Variants in PTPRN2 observed in about 807,000 individuals in gnomAD.
PTPRN2 encodes the protein receptor-type tyrosine-protein phosphatase N2.
Under a neutral mutation model 118.8 loss-of-function variants are expected in PTPRN2, and 74 were observed. The ratio of observed to expected loss-of-function variants is 0.62; its 90% CI spans 0.52 to 0.76. The LOEUF is 0.76. Among genes scored for constraint, PTPRN2 ranks in the 30% least tolerant of loss-of-function variants. The pLI, the probability that PTPRN2 is intolerant of heterozygous loss-of-function variation, is 0.00. For synonymous variants in PTPRN2, 641 were observed against 608.0 expected, an observed-to-expected ratio of 1.05 and a Z score of -0.80; for missense variants, 1,481 against 1,394.4, an observed-to-expected ratio of 1.06 and a Z score of -0.99.
intron 1 of PTPRN2, among the ~76,000 whole-genome samples, chr7:158,515,598 G>A (rs1159176058): frequency 6.6e-6 from 1 of 152,154 alleles, no homozygotes. Flanking sequence ...AATGGGAGGC[G>A]AGTCCCAGGG....
Position 157,815,316 on chromosome 7 carries a change from T to C in PTPRN2, c.1788+83357A>G, listed in dbSNP as rs189465130. Among the ~76,000 whole-genome samples the C allele has an allele frequency of 3.5e-3, 538 of 152,354 alleles. 8 individuals carry two copies. Among genetic ancestry groups the C allele is most frequent in the African/African-American group, 0.012 (516 of 41,588 alleles). On this transcript the variant is annotated intron_variant, in intron 12 of 22. Coordinates refer to ENST00000389418, the MANE Select transcript of PTPRN2 (RefSeq NM_002847.5). ...GTGGGCTCAGGCCTGCGCCCTCCCA[T>C]GGCCGTGGCCTCTTCCTCGGTCCTT...
chr7:158,503,679 C>T (rs1822538740), intron 1 of PTPRN2, among the ~76,000 whole-genome samples: 1 of 152,200 alleles, frequency 6.6e-6, no homozygotes, highest in Non-Finnish European at 1.5e-5. Context: ...AAATCACTCA[C>T]TCTGTCTGCA....
At chr7:157,666,847 G>A (rs1796159811) in intron 13 of PTPRN2, among the ~76,000 whole-genome samples, 1 of 152,076 alleles carries the variant, frequency 6.6e-6, no homozygotes, top group African/African-American at 2.4e-5. Flanking sequence ...AGCCTGACTT[G>A]CACACTTGGC....
chr7:158,337,498 C>A, intron 2 of PTPRN2, among the ~76,000 whole-genome samples: 1 of 151,450 alleles, frequency 6.6e-6, no homozygotes, highest in African/African-American at 2.4e-5. Flanking sequence ...CTGCAGACGT[C>A]ACTCGCACCC....
intron 21 of PTPRN2, among the ~76,000 whole-genome samples, chr7:157,565,505 C>T (rs537976617): frequency 3.0e-4 from 46 of 152,312 alleles, no homozygotes; most frequent in African/African-American, 9.4e-4. Context: ...CACCCTCTTC[C>T]GGCCCAGGCG....
chr7:157,776,081 C>G (rs971676327), intron 12 of PTPRN2, among the ~76,000 whole-genome samples: 1 of 149,518 alleles, frequency 6.7e-6, no homozygotes, highest in African/African-American at 2.5e-5. Flanking sequence ...TCCCTCTTCT[C>G]TTCCTCCCTC....
chr7:157,648,902 G>T (rs1805375847), intron 14 of PTPRN2, among the ~76,000 whole-genome samples: 1 of 146,630 alleles, frequency 6.8e-6, no homozygotes, highest in South Asian at 2.3e-4. Flanking sequence ...GAACTCGGTG[G>T]GTTGGACCCT....
chr7:158,125,319 CCTCCCTGCCTCAAGTCCCTCCCACAGCCG>C (rs1490996042), intron 9 of PTPRN2, among the ~76,000 whole-genome samples: 4 of 151,044 alleles, frequency 2.6e-5, no homozygotes, highest in African/African-American at 7.3e-5. Flanking sequence ...CCCAGGGCCA[CCTCCCTGCCTCAAGTCCCTCCCACAGCCG>C]CCCCCTGCCT....
chr7:158,313,046 ATG>A (rs1227447852), intron 3 of PTPRN2, among the ~76,000 whole-genome samples: 5 of 151,192 alleles, frequency 3.3e-5, no homozygotes, highest in Admixed American at 1.3e-4. Flanking sequence ...GAGCACGTGA[ATG>A]TGTGTGCAGG....
At chr7:157,551,873 C>G (rs1798645851) in intron 21 of PTPRN2, among the ~76,000 whole-genome samples, 1 of 143,250 alleles carries the variant, frequency 7.0e-6, no homozygotes, top group African/African-American at 2.6e-5. Context: ...CCCATGGGCA[C>G]CACGCACCCC....
At chr7:157,899,757 C>T (rs555986310) in intron 11 of PTPRN2, among the ~76,000 whole-genome samples, 1 of 152,118 alleles carries the variant, frequency 6.6e-6, no homozygotes, top group Non-Finnish European at 1.5e-5. Flanking sequence ...AAAGTTTTTC[C>T]CTTTGAGCAA....
intron 21 of PTPRN2, among the ~76,000 whole-genome samples, chr7:157,549,571 CA>C (rs1798493790): frequency 6.6e-6 from 1 of 152,170 alleles, no homozygotes; most frequent in African/African-American, 2.4e-5. Flanking sequence ...AGTGGTTCAC[CA>C]AAAGCTCCAT....
At chr7:158,071,188 CT>C (rs1811443641) in intron 11 of PTPRN2, among the ~76,000 whole-genome samples, 2 of 21,480 alleles carry the variant, frequency 9.3e-5, no homozygotes, top group African/African-American at 1.8e-4. Flanking sequence ...TATGGAGGTG[CT>C]CATGGTGGTG....
At chr7:157,725,022 C>A (rs1039009005) in intron 12 of PTPRN2, among the ~76,000 whole-genome samples, 3 of 152,206 alleles carry the variant, frequency 2.0e-5, no homozygotes, top group Admixed American at 6.5e-5. Flanking sequence ...AAATAAAATT[C>A]TCGTGTCCTT....
chr7:157,578,852 A>G (rs1241449714), intron 17 of PTPRN2, among the ~76,000 whole-genome samples: 1 of 152,262 alleles, frequency 6.6e-6, no homozygotes, highest in Admixed American at 6.5e-5. Context: ...TAACTACCCA[A>G]AACCACTAAT....
chr7:158,245,004 T>C (rs1016874644), intron 3 of PTPRN2, among the ~76,000 whole-genome samples: 6 of 152,162 alleles, frequency 3.9e-5, no homozygotes, highest in Admixed American at 2.0e-4. Context: ...GGCTGTGTCA[T>C]GTGGACAAGT....
chr7:157,765,835 A>C (rs1802430567), intron 12 of PTPRN2, among the ~76,000 whole-genome samples: 1 of 128,726 alleles, frequency 7.8e-6, no homozygotes, highest in African/African-American at 3.1e-5. Context: ...TTCTTCCTCC[A>C]TCCATCCACT....
intron 12 of PTPRN2, among the ~76,000 whole-genome samples, chr7:157,811,021 T>C (rs1168413139): frequency 2.0e-5 from 3 of 152,002 alleles, no homozygotes; most frequent in Non-Finnish European, 2.9e-5. Context: ...CCTGTAATCC[T>C]AGCACTTTGG....
chr7:158,416,669 A>G (rs1209340722), intron 2 of PTPRN2, among the ~76,000 whole-genome samples: 2 of 152,222 alleles, frequency 1.3e-5, no homozygotes, highest in Non-Finnish European at 2.9e-5. Flanking sequence ...TGAAATTCCA[A>G]AGAAAGGCCA....
Sources: gnomAD v4.1 joint callset for allele counts (sites outside exome capture counted in the v4.1 genomes callset) on GRCh38, gnomAD v4.1.1 for gene constraint, MANE v1.5 for transcripts, NCBI Gene and HGNC (gene_info 2026-07-23, HGNC 2026-07-21) for gene names.